Variants in DAB1 observed in about 807,000 individuals in gnomAD.
DAB1 encodes DAB adaptor protein 1.
A neutral mutation model predicts 64.6 loss-of-function variants in DAB1; 15 were observed. The ratio of observed to expected loss-of-function variants is 0.23; its 90% confidence interval spans 0.16 to 0.36. DAB1 has a LOEUF of 0.36. Among genes scored for constraint, DAB1 ranks in the 10% least tolerant of loss-of-function variants. The pLI, the probability that DAB1 is intolerant of heterozygous loss-of-function variation, is 1.00. For missense variants in DAB1, 596 were observed against 706.7 expected, an observed-to-expected ratio of 0.84 and a Z score of 1.78; for synonymous variants, 235 against 251.9, an observed-to-expected ratio of 0.93 and a Z score of 0.64.
chr1:57,736,767 C>T (rs1032365152), intron 6 of DAB1, among the ~76,000 whole-genome samples: 1 of 152,156 alleles, frequency 6.6e-6, no homozygotes, highest in African/African-American at 2.4e-5. Flanking sequence ...CTCACTCTTT[C>T]CATCTCCCTG....
chr1:57,922,795 G>A (rs1202818), intron 5 of DAB1, among the ~76,000 whole-genome samples: 20,569 of 129,586 alleles, frequency 0.16, 2,217 homozygotes, highest in African/African-American at 0.32. Context: ...GCAGTGAGCC[G>A]AGATCGCGCC....
rs572312282 is a variant in DAB1 at position 57,112,498 on chromosome 1, G to A, written c.306+24045C>T. ...ATCTGGATTTTCAAAGAGTAACTAT[G>A]AATGAAGCTGCCAAGCCCAGGTAGA... is the stretch of plus-strand genomic sequence containing the variant. On this transcript the variant is annotated intron_variant, in intron 4 of 14. Coordinates refer to ENST00000371236, the MANE Select transcript of DAB1 (RefSeq NM_001365792.1). Among the ~76,000 whole-genome samples, 7 of 152,208 alleles carry A rather than the reference G, an allele frequency of 4.6e-5. No individual in the cohort carries two copies. The South Asian group carries it at 1.2e-3, about 27-fold the overall frequency.
At chr1:58,020,414 C>A (rs1286417772) in intron 5 of DAB1, among the ~76,000 whole-genome samples, 1 of 152,138 alleles carries the variant, frequency 6.6e-6, no homozygotes, top group Non-Finnish European at 1.5e-5. Flanking sequence ...TTTTGAGCTT[C>A]CTCACTAAAC....
At chr1:58,524,903 G>A (rs1199234859) in intron 2 of DAB1, among the ~76,000 whole-genome samples, 13 of 152,168 alleles carry the variant, frequency 8.5e-5, no homozygotes, top group Non-Finnish European at 4.4e-5. Context: ...CTGCTCACAT[G>A]GAGATGATTA....
chr1:57,564,678 T>C (rs552772490), intron 7 of DAB1, among the ~76,000 whole-genome samples: 1 of 152,260 alleles, frequency 6.6e-6, no homozygotes, highest in Admixed American at 6.5e-5. Flanking sequence ...GAAGAAAGGG[T>C]ATCAGTGATT....
chr1:57,835,654 C>A (rs1418455540), intron 1 of DAB1, among the ~76,000 whole-genome samples: 6 of 152,196 alleles, frequency 3.9e-5, no homozygotes, highest in Non-Finnish European at 5.9e-5. Context: ...ACTTCCCCAG[C>A]TACAGCCTGT....
intron 3 of DAB1, among the ~76,000 whole-genome samples, chr1:58,357,021 G>A (rs1244674523): frequency 2.3e-5 from 2 of 87,826 alleles, no homozygotes; most frequent in Non-Finnish European, 4.4e-5. Flanking sequence ...ACAAGACCCT[G>A]TCTCCAAAAA....
At chr1:58,289,891 C>T (rs1159607482) in intron 4 of DAB1, among the ~76,000 whole-genome samples, 1 of 152,154 alleles carries the variant, frequency 6.6e-6, no homozygotes, top group African/African-American at 2.4e-5. Flanking sequence ...AGAATACCTA[C>T]AAGTATTTGG....
intron 7 of DAB1, among the ~76,000 whole-genome samples, chr1:57,623,036 TA>T (rs1645879820): frequency 6.6e-6 from 1 of 152,230 alleles, no homozygotes; most frequent in Non-Finnish European, 1.5e-5. Context: ...TTAGTCTTCA[TA>T]ATAAATTTAT....
At chr1:58,157,261 G>C (rs1375564082) in intron 4 of DAB1, among the ~76,000 whole-genome samples, 1 of 152,158 alleles carries the variant, frequency 6.6e-6, no homozygotes, top group African/African-American at 2.4e-5. Context: ...GCCCCCCTCT[G>C]CTGAAAATAT....
chr1:57,000,998 G>A (rs1458751546), intron 14 of DAB1, among the ~76,000 whole-genome samples: 1 of 152,202 alleles, frequency 6.6e-6, no homozygotes, highest in Admixed American at 6.5e-5. Flanking sequence ...AGTAACGACT[G>A]CAGTCAACTC....
chr1:57,239,105 T>C (rs561248), intron 2 of DAB1, among the ~76,000 whole-genome samples: 42,586 of 152,086 alleles, frequency 0.28, 7,696 homozygotes, highest in Middle Eastern at 0.43. Context: ...ATTAAGCTCA[T>C]TGCCCTTGTG....
chr1:58,082,160 C>T (rs150547402), intron 5 of DAB1, among the ~76,000 whole-genome samples: 213 of 152,250 alleles, frequency 1.4e-3, no homozygotes, highest in African/African-American at 2.9e-3. Context: ...CCCAGCAACA[C>T]GAAACTATAG....
In DAB1 at chr1:57,249,414, A is replaced by C. The variant is rs374575673; in HGVS notation, c.67+41550T>G. 6.3e-4 allele frequency among the ~76,000 whole-genome samples: 96 copies of C among 152,234 alleles called. 1 individual carries two copies. The South Asian group carries it at 0.017, about 28-fold the overall frequency. The stretch of plus-strand genomic sequence containing the variant: ...GAGACAAGGTCTCACTCCATCACCC[A>C]GGCTGGAGTGCAGTGGCATAAACAA... On this transcript the variant is annotated intron_variant, in intron 2 of 14. Coordinates refer to ENST00000371236, the MANE Select transcript of DAB1 (RefSeq NM_001365792.1).
chr1:57,721,507 T>C (rs1301318676), intron 6 of DAB1, among the ~76,000 whole-genome samples: 2 of 152,208 alleles, frequency 1.3e-5, no homozygotes, highest in African/African-American at 2.4e-5. Context: ...AATAGGATGA[T>C]AGGATTAATG....
At chr1:57,499,798 C>A (rs1207248993) in intron 7 of DAB1, among the ~76,000 whole-genome samples, 1 of 152,256 alleles carries the variant, frequency 6.6e-6, no homozygotes, top group African/African-American at 2.4e-5. Context: ...AAGTCCTTTT[C>A]CAGGTGCAAT....
At position 57,797,182 on chromosome 1, in the gene DAB1, T is replaced by C. The variant is rs140873590; in HGVS notation, n.551+86817A>G. ...ACCTCTGCCACCTTGTTGCTCTTTT[T>C]CCTCTTTCCAAACAACTCTCTGGGT... On this transcript the variant is annotated intron_variant and non_coding_transcript_variant, in intron 6 of 20. Transcript: ENST00000485760. Among the ~76,000 whole-genome samples, 115 of 152,350 alleles carry C rather than the reference T, an allele frequency of 7.5e-4. 1 individual carries two copies. The East Asian group carries it at 0.021, about 28-fold the overall frequency.
rs145381171 is a variant in DAB1, at chr1:58,138,236, T to C, written n.387+12275A>G. 3.7e-4 allele frequency among the ~76,000 whole-genome samples: 57 copies of C among 152,236 alleles called. No individual in the cohort carries two copies. In the East Asian group the frequency reaches 8.7e-3, roughly 23 times the overall value. On this transcript the variant is annotated intron_variant and non_coding_transcript_variant, in intron 5 of 20. Transcript: ENST00000485760. ...GGCACAGAAACTGAGCTCAGAGAAGTATAAAACTTGCCCTTAGTCATGCAG... is the reference window on the plus strand; with the variant it reads ...GGCACAGAAACTGAGCTCAGAGAAGCATAAAACTTGCCCTTAGTCATGCAG...
chr1:57,382,418 A>G (rs929691917), intron 1 of DAB1, among the ~76,000 whole-genome samples: 8 of 152,134 alleles, frequency 5.3e-5, no homozygotes, highest in Admixed American at 3.9e-4. Flanking sequence ...TGAGTGCTGT[A>G]TTAGTTTTCT....
Sources: gnomAD v4.1 joint callset for allele counts (sites outside exome capture counted in the v4.1 genomes callset) on GRCh38, gnomAD v4.1.1 for gene constraint, MANE v1.5 for transcripts, NCBI Gene and HGNC (gene_info 2026-07-23, HGNC 2026-07-21) for gene names.